The following ZNF638 variants were observed in gnomAD, a reference collection of about 807,000 sequenced individuals.
The protein encoded by ZNF638 is zinc finger protein 638.
In ZNF638, 46 loss-of-function variants were observed where a neutral mutation model predicts 195.6. That is an observed-to-expected ratio of 0.24 (90% CI 0.19 to 0.30). The LOEUF is 0.30. Ranked by LOEUF, ZNF638 falls within the 10% of genes least tolerant of loss-of-function variation. The probability of loss-of-function intolerance (pLI) is 1.00; values close to 1 mark genes in which losing one functional copy is unlikely to be tolerated. For synonymous variants in ZNF638, 845 were observed against 772.0 expected (o/e 1.09, Z -1.57); for missense variants, 2,440 against 2,325.3 (o/e 1.05, Z -1.01).
At chr2:71,406,076 G>C (rs570915161) in intron 18 of ZNF638, 52 bp from the exon 19 acceptor site, 31 of 1,602,066 alleles carry the variant, frequency 1.9e-5, no homozygotes, top group Admixed American at 1.3e-4. Flanking sequence ...CTGTTTTACC[G>C]TTTGTTGCTT....
intron 23 of ZNF638, among the ~76,000 whole-genome samples, chr2:71,426,188 C>T (rs1459408964): frequency 6.6e-6 from 1 of 152,098 alleles, no homozygotes; most frequent in African/African-American, 2.4e-5. Context: ...CTTCGAAACT[C>T]TTCATTTAGG....
intron 10 of ZNF638, among the ~76,000 whole-genome samples, chr2:71,382,267 C>T (rs912759307): frequency 6.6e-6 from 1 of 152,086 alleles, no homozygotes; most frequent in Non-Finnish European, 1.5e-5. Context: ...ATTCTTTAGT[C>T]AGCCAATCAT....
chr2:71,396,571 T>A (rs2079898726), intron 11 of ZNF638, among the ~76,000 whole-genome samples: 1 of 152,232 alleles, frequency 6.6e-6, no homozygotes, highest in Admixed American at 6.5e-5. Context: ...GGCATAATCC[T>A]TTCCAGTTTT....
At chr2:71,355,469 G>C (rs1428761309) in intron 2 of ZNF638, among the ~76,000 whole-genome samples, 4 of 152,012 alleles carry the variant, frequency 2.6e-5, no homozygotes, top group Non-Finnish European at 5.9e-5. Flanking sequence ...GAGCATCCAC[G>C]GGTATGATTT....
Position 71,431,408 on chromosome 2 carries a change from TGGC to T in ZNF638, c.5734_5736del (p.Ala1912del). 6.2e-7 allele frequency: 1 copy of T among 1,613,866 alleles called. No homozygotes were observed. The highest frequency in any genetic ancestry group is 1.1e-5 in the South Asian group (1 of 91,068). ...GAAGACTCTTCTTCAGGCAAATCAG[TGGC>T]GTCTGATGTCCCTGAGGGTAAAGTT... On this transcript the variant is annotated inframe_deletion, in exon 26 of 28. Transcript: ENST00000264447.
chr2:71,431,363 A>G lies in ZNF638; in HGVS notation c.5687A>G (p.Glu1896Gly). ...EESGLKDSEP[E>G]RKRKKTEDSS... Reference sequence around the variant, plus strand: ...TCTGGATTAAAGGATTCAGAACCAGAGCGAAAACGCAAGAAGACTGAAGAC... The same window carrying G: ...TCTGGATTAAAGGATTCAGAACCAGGGCGAAAACGCAAGAAGACTGAAGAC... The change falls in exon 26 of 28, where the codon GAG becomes GGG. Residue 1896 changes from glutamate (E) to glycine (G), a missense_variant. Glu to Gly is a moderately conservative substitution (Grantham distance 98). Coordinates refer to ENST00000264447, the MANE Select transcript of ZNF638 (RefSeq NM_014497.5). 6.2e-7 allele frequency: 1 copy of G among 1,614,050 alleles called. No individual in the cohort carries two copies. Among genetic ancestry groups the G allele is most frequent in the Non-Finnish European group, 8.5e-7 (1 of 1,179,902 alleles).
At chr2:71,394,702 A>G (rs976182562) in intron 10 of ZNF638, among the ~76,000 whole-genome samples, 1 of 152,314 alleles carries the variant, frequency 6.6e-6, no homozygotes, top group South Asian at 2.1e-4. Flanking sequence ...TTCATAGTTA[A>G]TCTTACAGCC....
At chr2:71,388,431 G>A (rs1311105777) in intron 10 of ZNF638, 8 of 683,588 alleles carry the variant, frequency 1.2e-5, no homozygotes, top group Admixed American at 2.0e-5. Context: ...CCTACAGGCG[G>A]GGGCAACAAC....
In ZNF638 at chr2:71,349,736, C is replaced by G. The variant is rs1238370754; in HGVS notation, c.782C>G (p.Ser261Cys). The change falls in exon 2 of 28, where the codon TCT becomes TGT. Residue 261 changes from serine to cysteine, a missense_variant. By Grantham distance (112) the Ser-to-Cys change is moderately radical. Transcript: ENST00000264447. ...CCCAATCCAAATGTGATATGTAATT[C>G]TATGTTTCCTGTTGAAGACGTATTT... ...SVPNPNVICN[S>C]MFPVEDVFRQ... is the part of the protein sequence containing the mutation. 2 of 1,614,178 alleles carry G rather than the reference C, an allele frequency of 1.2e-6. No individual in the cohort carries two copies. Among genetic ancestry groups the G allele is most frequent in the South Asian group, 1.1e-5 (1 of 91,082 alleles).
intron 10 of ZNF638, among the ~76,000 whole-genome samples, chr2:71,390,708 C>T (rs886128242): frequency 1.6e-4 from 25 of 152,100 alleles, no homozygotes; most frequent in Non-Finnish European, 1.5e-5. Context: ...AAGAATTTTA[C>T]TGGCTTATAG....
At chr2:71,388,530 T>C (rs1369266148) in intron 10 of ZNF638, 1 of 717,644 alleles carries the variant, frequency 1.4e-6, no homozygotes, top group Admixed American at 2.0e-5. Flanking sequence ...GGCTGCGTTC[T>C]CTCTTCGGCG....
At chr2:71,343,870 C>T (rs908445959) in intron 1 of ZNF638, among the ~76,000 whole-genome samples, 1 of 47,626 alleles carries the variant, frequency 2.1e-5, no homozygotes, top group Non-Finnish European at 7.8e-5. Flanking sequence ...GTGGCTCATG[C>T]CTGTAATCCT....
At position 71,406,178 on chromosome 2, in the gene ZNF638, G is replaced by C. The variant is rs144453296; in HGVS notation, c.3051G>C (p.Pro1017=). 1.7e-5 allele frequency: 27 copies of C among 1,613,436 alleles called. No homozygotes were observed. The highest frequency in any genetic ancestry group is 2.3e-5 in the Non-Finnish European group (27 of 1,179,622). The part of the protein sequence containing the change: ...YDRFVHLDNL[P]EDGLQCVLCV... The stretch of plus-strand genomic sequence containing the variant: ...GATTTGTACATCTTGATAATTTACC[G>C]GAAGATGGACTTCAGTGTGTACTTT... The change falls in exon 19 of 28, where the codon CCG becomes CCC. Residue 1017 remains proline, a synonymous_variant. Coordinates refer to ENST00000264447, the MANE Select transcript of ZNF638 (RefSeq NM_014497.5).
chr2:71,426,591 C>T lies in ZNF638; in HGVS notation c.4722C>T (p.Phe1574=). Residue 1574 remains phenylalanine (F), a synonymous_variant, in exon 24 of 28, where the codon TTC becomes TTT. Transcript: ENST00000264447. ...AAGAAACTCTCAAAAATGTTCCTTT[C>T]TCTGAACTTAACTTAAAGAAGAAAA... ...KRKETLKNVP[F]SELNLKKKKG... 6.2e-7 allele frequency: 1 copy of T among 1,614,130 alleles called. No individual in the cohort carries two copies. The highest frequency in any genetic ancestry group is 8.5e-7 in the Non-Finnish European group (1 of 1,180,006).
intron 21 of ZNF638, among the ~76,000 whole-genome samples, chr2:71,419,974 C>CCCCCTTTTTT (rs1189202093): frequency 7.4e-5 from 2 of 27,022 alleles, no homozygotes; most frequent in African/African-American, 3.2e-4. Flanking sequence ...CCCCCCCCGC[C>CCCCCTTTTTT]TTTTTTTTTT....
At position 71,383,302 on chromosome 2, in the gene ZNF638, C is replaced by T. The variant is rs1475178381; in HGVS notation, c.2377+2737C>T. 2.0e-5 allele frequency among the ~76,000 whole-genome samples: 3 copies of T among 151,950 alleles called. No homozygotes were observed. The East Asian group carries it at 5.8e-4, about 29-fold the overall frequency. ...TGCACTCCAGCCTGGGTGACAAGAGCGAGACTCCACCTCAAAAAAATATAT... is the reference window on the plus strand; with the variant it reads ...TGCACTCCAGCCTGGGTGACAAGAGTGAGACTCCACCTCAAAAAAATATAT... On this transcript the variant is annotated intron_variant, in intron 10 of 27. Transcript: ENST00000264447.
At position 71,402,036 on chromosome 2, in the gene ZNF638, AAAACCATTTGGTGGTTT is replaced by A; in HGVS notation, c.2782_2798del (p.Pro928GlyfsTer9). The A allele has an allele frequency of 6.2e-7, 1 of 1,608,738 alleles. No homozygotes were observed. Among genetic ancestry groups the A allele is most frequent in the Non-Finnish European group, 8.5e-7 (1 of 1,177,182 alleles). ...CTGTAGAAGAAGTTTATGACTTAGC[AAAACCATTTGGTGGTTT>A]AAAGGATATCTTGATTTTATCATCT... is the stretch of plus-strand genomic sequence containing the variant. On this transcript the variant is annotated frameshift_variant, in exon 16 of 28. Coordinates refer to ENST00000264447, the MANE Select transcript of ZNF638 (RefSeq NM_014497.5). LOFTEE classifies it high-confidence loss of function.
intron 1 of ZNF638, among the ~76,000 whole-genome samples, chr2:71,346,279 C>G (rs906740421): frequency 6.6e-6 from 1 of 152,154 alleles, no homozygotes; most frequent in Non-Finnish European, 1.5e-5. Context: ...CAATGCGTAT[C>G]TTTTAGGATT....
chr2:71,354,830 G>T (rs2078997972), intron 2 of ZNF638, among the ~76,000 whole-genome samples: 1 of 151,574 alleles, frequency 6.6e-6, no homozygotes, highest in African/African-American at 2.4e-5. Flanking sequence ...TTGAAATGTT[G>T]TTACTTTTAA....
Sources: allele counts gnomAD v4.1 joint callset (sites outside exome capture counted in the v4.1 genomes callset), GRCh38; gene constraint gnomAD v4.1.1; transcripts MANE v1.5; gene names NCBI Gene and HGNC (gene_info 2026-07-23, HGNC 2026-07-21).